ZFHX3: variants seen among roughly 807,000 people sequenced by gnomAD.
The protein encoded by ZFHX3 is zinc finger homeobox protein 3.
A neutral mutation model predicts 279.1 loss-of-function variants in ZFHX3; 42 were observed. That is an observed-to-expected ratio of 0.15 (90% CI 0.12 to 0.19). The LOEUF (loss-of-function observed/expected upper bound fraction) is 0.19, where lower values mean the gene tolerates loss of function less well. Among genes scored for constraint, ZFHX3 ranks in the 10% least tolerant of loss-of-function variants. The probability of loss-of-function intolerance (pLI) is 1.00; values close to 1 mark genes in which losing one functional copy is unlikely to be tolerated. For synonymous variants in ZFHX3, 2,293 were observed against 1,957.8 expected (o/e 1.17, Z -4.52); for missense variants, 4,981 against 4,754.0 (o/e 1.05, Z -1.40).
intron 1 of ZFHX3, among the ~76,000 whole-genome samples, chr16:73,754,866 A>T (rs1185209874): frequency 6.6e-6 from 1 of 152,206 alleles, no homozygotes. Context: ...TTTCTGGGCA[A>T]ATTTCACCGA....
chr16:73,028,614 T>C (rs34094975), intron 1 of ZFHX3, among the ~76,000 whole-genome samples: 32,303 of 152,062 alleles, frequency 0.21, 3,740 homozygotes, highest in Admixed American at 0.32. Context: ...AGACACAGAA[T>C]TCCATCTCCA....
chr16:73,527,313 C>T (rs185351432), intron 2 of ZFHX3, among the ~76,000 whole-genome samples: 10 of 152,290 alleles, frequency 6.6e-5, no homozygotes, highest in Non-Finnish European at 1.5e-4. Context: ...ATTTACCTTG[C>T]ATTCTGTCAA....
chr16:72,946,890 C>T (rs746245220), intron 3 of ZFHX3, among the ~76,000 whole-genome samples: 1 of 152,140 alleles, frequency 6.6e-6, no homozygotes, highest in Non-Finnish European at 1.5e-5. Context: ...TTAAGGACCC[C>T]GGAGCTCAGT....
intron 3 of ZFHX3, among the ~76,000 whole-genome samples, chr16:73,417,448 C>T (rs75477453): frequency 0.027 from 2,655 of 100,046 alleles, 115 homozygotes; most frequent in African/African-American, 0.098. Context: ...CCCAGTTTGT[C>T]TTCAAACTCC....
chr16:73,810,413 G>T (rs1282426409), intron 1 of ZFHX3, among the ~76,000 whole-genome samples: 1 of 152,004 alleles, frequency 6.6e-6, no homozygotes, highest in East Asian at 1.9e-4. Flanking sequence ...TTAATTATTT[G>T]GTTATTAACC....
intron 2 of ZFHX3, among the ~76,000 whole-genome samples, chr16:73,586,738 T>C (rs546198091): frequency 6.6e-6 from 1 of 152,268 alleles, no homozygotes; most frequent in East Asian, 1.9e-4. Flanking sequence ...GATCAACAAA[T>C]ATATGGAGGA....
chr16:73,383,340 TA>T (rs1243397930), intron 3 of ZFHX3, among the ~76,000 whole-genome samples: 1 of 152,078 alleles, frequency 6.6e-6, no homozygotes, highest in Admixed American at 6.5e-5. Context: ...CTGCAAGGTT[TA>T]GGAAGCCCGA....
At chr16:73,416,849 G>GA (rs1448621156) in intron 3 of ZFHX3, among the ~76,000 whole-genome samples, 1 of 151,650 alleles carries the variant, frequency 6.6e-6, no homozygotes, top group Admixed American at 6.6e-5. Context: ...ACTCCAGCCT[G>GA]GGCGACAGAG....
At chr16:73,127,082 G>T in intron 7 of ZFHX3, 1 of 271,958 alleles carries the variant, frequency 3.7e-6, no homozygotes, top group Non-Finnish European at 7.2e-6. Flanking sequence ...ACGGGGTGCA[G>T]GGCCTCCTTG....
At chr16:72,803,570 C>T (rs2036177927) in intron 7 of ZFHX3, among the ~76,000 whole-genome samples, 1 of 152,168 alleles carries the variant, frequency 6.6e-6, no homozygotes, top group Non-Finnish European at 1.5e-5. Flanking sequence ...TCTCTGGCCG[C>T]AATCCTACAA....
At chr16:73,656,761 C>CT (rs1398993619) in intron 2 of ZFHX3, among the ~76,000 whole-genome samples, 1 of 152,164 alleles carries the variant, frequency 6.6e-6, no homozygotes, top group Non-Finnish European at 1.5e-5. Flanking sequence ...ACAAGAAAGA[C>CT]TTAGTCCTAT....
Position 73,654,337 on chromosome 16 carries a change from C to T in ZFHX3, c.-1547+25843G>A, listed in dbSNP as rs929616113. Among the ~76,000 whole-genome samples the T allele has an allele frequency of 4.6e-5, 7 of 152,040 alleles. No homozygotes were observed. The South Asian group carries it at 1.2e-3, about 27-fold the overall frequency. ...ATTGAAATGATACTCAAAAATTTTC[C>T]GACAAATAGAAGTTCAGGTTCAGAT... On this transcript the variant is annotated intron_variant, in intron 2 of 17. Transcript: ENST00000641206.
chr16:73,074,686 C>T (rs1965865875), intron 8 of ZFHX3, among the ~76,000 whole-genome samples: 1 of 141,574 alleles, frequency 7.1e-6, no homozygotes, highest in African/African-American at 2.5e-5. Context: ...CATGCTTAAC[C>T]AACGAGGAAG....
At chr16:73,377,325 C>G (rs2143356440) in intron 3 of ZFHX3, among the ~76,000 whole-genome samples, 1 of 152,236 alleles carries the variant, frequency 6.6e-6, no homozygotes, top group Middle Eastern at 3.4e-3. Flanking sequence ...CCTGCTTTCA[C>G]TCTGTCCCCC....
At chr16:73,201,429 T>C (rs1198893252) in intron 5 of ZFHX3, among the ~76,000 whole-genome samples, 1 of 152,230 alleles carries the variant, frequency 6.6e-6, no homozygotes, top group African/African-American at 2.4e-5. Context: ...CACTGCCATT[T>C]TTACTTAAGC....
At chr16:73,511,160 T>A (rs745956741) in intron 2 of ZFHX3, among the ~76,000 whole-genome samples, 51 of 152,198 alleles carry the variant, frequency 3.4e-4, no homozygotes, top group Admixed American at 5.2e-4. Context: ...CCTTTTATTA[T>A]CTGGGTAAAG....
intron 2 of ZFHX3, among the ~76,000 whole-genome samples, chr16:73,655,260 A>C (rs917226463): frequency 6.6e-6 from 1 of 152,176 alleles, no homozygotes; most frequent in Non-Finnish European, 1.5e-5. Context: ...ATTCATTTTC[A>C]CTTCTACTGA....
At chr16:73,341,095 C>A (rs1363022178) in intron 3 of ZFHX3, among the ~76,000 whole-genome samples, 1 of 152,152 alleles carries the variant, frequency 6.6e-6, no homozygotes, top group Non-Finnish European at 1.5e-5. Flanking sequence ...GTAATCCCAG[C>A]ACTTTGGGAG....
Position 72,951,975 on chromosome 16 carries a change from A to T in ZFHX3, c.2720-1010T>A, listed in dbSNP as rs548034000. Among the ~76,000 whole-genome samples, 11 of 152,344 alleles carry T rather than the reference A, an allele frequency of 7.2e-5. No individual in the cohort carries two copies. In the South Asian group the frequency reaches 1.4e-3, roughly 20 times the overall value. On this transcript the variant is annotated intron_variant, in intron 2 of 9. Coordinates refer to ENST00000268489, the MANE Select transcript of ZFHX3 (RefSeq NM_006885.4). ...GCAAAGATCTGGGGAGTGGGGCTGGACGTGGTGTCTCACACCCCTAATCCA... is the reference window on the plus strand; with the variant it reads ...GCAAAGATCTGGGGAGTGGGGCTGGTCGTGGTGTCTCACACCCCTAATCCA...
Sources: gnomAD v4.1 joint callset for allele counts (sites outside exome capture counted in the v4.1 genomes callset) on GRCh38, gnomAD v4.1.1 for gene constraint, MANE v1.5 for transcripts, NCBI Gene and HGNC (gene_info 2026-07-23, HGNC 2026-07-21) for gene names.